CNTNAP2: variants seen among roughly 807,000 people sequenced by gnomAD.
The protein encoded by CNTNAP2 is contactin-associated protein-like 2.
CNTNAP2 carries 98 observed loss-of-function variants against 155.2 expected under a neutral mutation model. That is an observed-to-expected ratio of 0.63 (90% confidence interval 0.54 to 0.75). The LOEUF is 0.75. Among genes scored for constraint, CNTNAP2 ranks in the 30% least tolerant of loss-of-function variants. CNTNAP2 has a pLI of 0.00. For synonymous variants in CNTNAP2, 651 were observed against 631.2 expected (o/e 1.03, Z -0.47); for missense variants, 1,727 against 1,688.1 (o/e 1.02, Z -0.40).
chr7:147,369,876 T>C (rs1307360566), intron 9 of CNTNAP2, among the ~76,000 whole-genome samples: 1 of 152,192 alleles, frequency 6.6e-6, no homozygotes, highest in Non-Finnish European at 1.5e-5. Flanking sequence ...ACAAATCGAA[T>C]TCATACTGTC....
At position 146,683,600 on chromosome 7, in the gene CNTNAP2, A is replaced by G. The variant is rs111344993; in HGVS notation, c.98-90671A>G. On this transcript the variant is annotated intron_variant, in intron 1 of 23. Transcript: ENST00000361727. ...TCCTTTAAACAGGCTGAAACAATAA[A>G]CATACAAAGAGTTTACTCAGCATTT... 0.024 allele frequency among the ~76,000 whole-genome samples: 3,652 copies of G among 152,270 alleles called. 42 individuals carry two copies. Among genetic ancestry groups the G allele is most frequent in the Middle Eastern group, 0.038 (11 of 292 alleles).
rs191302080 is a variant in CNTNAP2 at position 147,119,143 on chromosome 7, T to C, written c.755-1836T>C. 3.0e-3 allele frequency among the ~76,000 whole-genome samples: 460 copies of C among 152,280 alleles called. 4 individuals carry two copies. The highest frequency in any genetic ancestry group is 0.011 in the African/African-American group (443 of 41,572). On this transcript the variant is annotated intron_variant, in intron 5 of 23. Transcript: ENST00000361727. Reference sequence around the variant, plus strand: ...TAAAATATGCACACATGCACACGTGTGCACACACACACACTGCAGTTGAAT... The same window carrying C: ...TAAAATATGCACACATGCACACGTGCGCACACACACACACTGCAGTTGAAT...
intron 8 of CNTNAP2, among the ~76,000 whole-genome samples, chr7:147,150,676 G>C (rs533519454): frequency 3.3e-5 from 5 of 152,046 alleles, no homozygotes; most frequent in Non-Finnish European, 5.9e-5. Context: ...TGTTATATAC[G>C]TATGAATTAT....
intron 13 of CNTNAP2, among the ~76,000 whole-genome samples, chr7:147,693,922 G>A (rs374997478): frequency 6.6e-6 from 1 of 152,006 alleles, no homozygotes; most frequent in Non-Finnish European, 1.5e-5. Context: ...CCTTGTTCCT[G>A]ATCTTAGCAG....
chr7:147,339,832 A>T (rs1008283764), intron 9 of CNTNAP2, among the ~76,000 whole-genome samples: 1 of 152,166 alleles, frequency 6.6e-6, no homozygotes, highest in Non-Finnish European at 1.5e-5. Context: ...ATTTGAGAAC[A>T]TCATAGAGAT....
At chr7:146,330,167 C>T (rs1801161022) in intron 1 of CNTNAP2, among the ~76,000 whole-genome samples, 1 of 151,836 alleles carries the variant, frequency 6.6e-6, no homozygotes, top group Non-Finnish European at 1.5e-5. Context: ...GGACTACAGG[C>T]ATGCACCACC....
chr7:148,152,818 A>T (rs2116660384), intron 17 of CNTNAP2, among the ~76,000 whole-genome samples: 1 of 152,202 alleles, frequency 6.6e-6, no homozygotes, highest in Non-Finnish European at 1.5e-5. Context: ...CAGGAGATCG[A>T]GACCATCCTG....
intron 11 of CNTNAP2, among the ~76,000 whole-genome samples, chr7:147,521,125 G>A (rs1213581872): frequency 6.6e-6 from 1 of 152,102 alleles, no homozygotes; most frequent in African/African-American, 2.4e-5. Context: ...TGCCTTTCCT[G>A]GCTAATTTTC....
At chr7:146,717,905 C>T (rs757754096) in intron 1 of CNTNAP2, among the ~76,000 whole-genome samples, 1 of 151,756 alleles carries the variant, frequency 6.6e-6, no homozygotes, top group Non-Finnish European at 1.5e-5. Flanking sequence ...TTCAAAGTCA[C>T]ACGGATGACC....
chr7:147,593,679 T>C (rs1800779775), intron 12 of CNTNAP2, among the ~76,000 whole-genome samples: 1 of 152,326 alleles, frequency 6.6e-6, no homozygotes, highest in Non-Finnish European at 1.5e-5. Flanking sequence ...CTATTGTTGT[T>C]GTCATTTATC....
chr7:147,997,957 G>C (rs962115407), intron 15 of CNTNAP2, among the ~76,000 whole-genome samples: 2 of 152,146 alleles, frequency 1.3e-5, no homozygotes, highest in African/African-American at 4.8e-5. Flanking sequence ...TGAAATCAAA[G>C]TGCGCATACT....
chr7:146,866,162 A>G (rs560803040), intron 3 of CNTNAP2, among the ~76,000 whole-genome samples: 1 of 152,190 alleles, frequency 6.6e-6, no homozygotes, highest in Non-Finnish European at 1.5e-5. Flanking sequence ...TTACTTTTTG[A>G]AACATTGGGA....
intron 13 of CNTNAP2, among the ~76,000 whole-genome samples, chr7:147,820,742 G>C (rs373637594): frequency 3.9e-5 from 6 of 152,038 alleles, no homozygotes; most frequent in Admixed American, 3.3e-4. Context: ...AGTCATTTCA[G>C]AAACATTTGT....
At chr7:146,723,966 A>G (rs1175825614) in intron 1 of CNTNAP2, among the ~76,000 whole-genome samples, 3 of 152,212 alleles carry the variant, frequency 2.0e-5, no homozygotes, top group Middle Eastern at 3.4e-3. Context: ...TTTGTTTTGT[A>G]GTAATATGTC....
chr7:147,977,323 T>C (rs1417504562), intron 14 of CNTNAP2, among the ~76,000 whole-genome samples: 1 of 152,214 alleles, frequency 6.6e-6, no homozygotes, highest in African/African-American at 2.4e-5. Flanking sequence ...AATAGACACT[T>C]ATTGAATACC....
intron 9 of CNTNAP2, among the ~76,000 whole-genome samples, chr7:147,376,810 A>G (rs1796442339): frequency 1.3e-5 from 2 of 152,006 alleles, no homozygotes; most frequent in Admixed American, 1.3e-4. Flanking sequence ...CAGCACCTTG[A>G]AGCCTGAACC....
intron 4 of CNTNAP2, among the ~76,000 whole-genome samples, chr7:147,100,825 C>T (rs1003512275): frequency 3.3e-5 from 5 of 152,264 alleles, no homozygotes; most frequent in African/African-American, 9.6e-5. Context: ...GAATCCAAAA[C>T]GGAACAATCC....
chr7:146,957,659 G>A (rs575212210), intron 3 of CNTNAP2, among the ~76,000 whole-genome samples: 1 of 152,276 alleles, frequency 6.6e-6, no homozygotes, highest in Middle Eastern at 3.4e-3. Context: ...GTGAAATACT[G>A]AGAGCCTTTG....
chr7:147,741,682 T>C (rs1303496879), intron 13 of CNTNAP2, among the ~76,000 whole-genome samples: 1 of 152,182 alleles, frequency 6.6e-6, no homozygotes, highest in African/African-American at 2.4e-5. Flanking sequence ...TGTTCAGTTA[T>C]TTTGAAATAA....
Sources: allele counts gnomAD v4.1 joint callset (sites outside exome capture counted in the v4.1 genomes callset), GRCh38; gene constraint gnomAD v4.1.1; transcripts MANE v1.5; gene names NCBI Gene and HGNC (gene_info 2026-07-23, HGNC 2026-07-21).